Variants in BPHL observed in about 807,000 individuals in gnomAD.
The protein encoded by BPHL is biphenyl hydrolase like, also known as serine hydrolase BPHL.
In BPHL, 27 loss-of-function variants were observed where a neutral mutation model predicts 31.2. The ratio of observed to expected loss-of-function variants is 0.87; its 90% confidence interval spans 0.64 to 1.19. The LOEUF is 1.19. Among genes scored for constraint, BPHL ranks in the 50% most tolerant of loss-of-function variants. The pLI, the probability that BPHL is intolerant of heterozygous loss-of-function variation, is 0.00. For synonymous variants in BPHL, 150 were observed against 146.8 expected (o/e 1.02, Z -0.16); for missense variants, 356 against 375.7 (o/e 0.95, Z 0.43).
At chr6:3,121,275 A>T (rs1000365601) in intron 1 of BPHL, among the ~76,000 whole-genome samples, 3 of 146,902 alleles carry the variant, frequency 2.0e-5, no homozygotes, top group African/African-American at 7.5e-5. Flanking sequence ...AACATACAAT[A>T]TGATAATAGC....
At position 3,127,339 on chromosome 6, in the gene BPHL, G is replaced by A. The variant is rs1761745815; in HGVS notation, c.309G>A (p.Arg103=). The A allele has an allele frequency of 6.2e-7, 1 of 1,609,364 alleles. No homozygotes were observed. Among genetic ancestry groups the A allele is most frequent in the Non-Finnish European group, 8.5e-7 (1 of 1,177,224 alleles). ...ATCCTCGAGGCTATGGACATTCCAGGCCCCCAGATCGCGATTTCCCAGCAG... is the reference window on the plus strand; with the variant it reads ...ATCCTCGAGGCTATGGACATTCCAGACCCCCAGATCGCGATTTCCCAGCAG... ...AWDPRGYGHS[R]PPDRDFPADF... is the part of the protein sequence containing the mutation. Residue 103 remains arginine (R), a synonymous_variant, in exon 3 of 7, where the codon AGG becomes AGA. Coordinates refer to ENST00000380379, the MANE Select transcript of BPHL (RefSeq NM_004332.4).
chr6:3,137,456 G>T lies in BPHL; in HGVS notation c.627G>T (p.Trp209Cys). Reference protein sequence around the residue: ...YDYFARTCEKWVDGIRQFKHL... With the variant: ...YDYFARTCEKCVDGIRQFKHL... Reference sequence around the variant, plus strand: ...ACTTTGCCAGAACCTGTGAAAAGTGGGTGGATGGCATAAGACAGTTTAAAC... The same window carrying T: ...ACTTTGCCAGAACCTGTGAAAAGTGTGTGGATGGCATAAGACAGTTTAAAC... The change falls in exon 5 of 7, where the codon TGG becomes TGT. Residue 209 changes from tryptophan to cysteine, a missense_variant. Transcript: ENST00000380379. 1 of 1,613,458 alleles carries T rather than the reference G, an allele frequency of 6.2e-7. No homozygotes were observed. Among genetic ancestry groups the T allele is most frequent in the Non-Finnish European group, 8.5e-7 (1 of 1,179,956 alleles).
Position 3,152,662 on chromosome 6 carries a change from C to T in BPHL, c.*87C>T, listed in dbSNP as rs769565530. On this transcript the variant is annotated 3_prime_UTR_variant, in exon 7 of 7. Coordinates refer to ENST00000380379, the MANE Select transcript of BPHL (RefSeq NM_004332.4). ...AACATGATGCCTTTGAAACTCTCCG[C>T]CTTTGAAACTTTCTACCCCTCCCTT... 5 of 1,206,506 alleles carry T rather than the reference C, an allele frequency of 4.1e-6. No homozygotes were observed. Among genetic ancestry groups the T allele is most frequent in the Non-Finnish European group, 5.9e-6 (5 of 842,230 alleles). The allele number at this position is 1,206,506 out of a possible 1,614,324, so 74.7% of individuals were successfully genotyped here.
intron 2 of BPHL, among the ~76,000 whole-genome samples, chr6:3,126,390 C>A (rs1385721796): frequency 1.3e-5 from 2 of 152,174 alleles, no homozygotes; most frequent in Non-Finnish European, 2.9e-5. Context: ...AACCCAGAAG[C>A]ATATCTGTGA....
At chr6:3,134,850 C>T (rs1761969078) in intron 4 of BPHL, among the ~76,000 whole-genome samples, 2 of 152,124 alleles carry the variant, frequency 1.3e-5, no homozygotes. Context: ...GATCCGCCTG[C>T]CTCGGCCTCC....
chr6:3,130,387 A>G (rs1761840624), intron 4 of BPHL, among the ~76,000 whole-genome samples: 1 of 152,190 alleles, frequency 6.6e-6, no homozygotes, highest in African/African-American at 2.4e-5. Flanking sequence ...AAGCTGCCCC[A>G]TTGAGATGAC....
upstream of BPHL, chr6:3,118,541 C>G (rs1211695406): frequency 7.5e-6 from 3 of 399,602 alleles, no homozygotes; most frequent in Non-Finnish European, 1.3e-5. Context: ...TCCAGGACTG[C>G]GAAACCACGA....
intron 5 of BPHL, chr6:3,138,645 CT>C (rs1426637467): frequency 1.3e-5 from 2 of 152,228 alleles, no homozygotes. Context: ...AAATGTATGC[CT>C]TATAATGTTT....
rs757799516 is a variant in BPHL at position 3,137,492 on chromosome 6, TG to T, written c.664+1del. 1 of 1,613,660 alleles carries T rather than the reference TG, an allele frequency of 6.2e-7. No individual in the cohort carries two copies. Among genetic ancestry groups the T allele is most frequent in the Non-Finnish European group, 8.5e-7 (1 of 1,179,890 alleles). On this transcript the variant is annotated frameshift_variant and splice_region_variant, in exon 5 of 7. Coordinates refer to ENST00000380379, the MANE Select transcript of BPHL (RefSeq NM_004332.4). LOFTEE classifies it high-confidence loss of function. ...GIRQFKHLPDGNICRHLLPRV... is the reference protein window; with the variant it reads ...GIRQFKHLPDXNICRHLLPRV... ...TAAGACAGTTTAAACATCTCCCAGATGGTAGGTTACTGGGCTTGAAGGGCTC... is the reference window on the plus strand; with the variant it reads ...TAAGACAGTTTAAACATCTCCCAGATGTAGGTTACTGGGCTTGAAGGGCTC...
At chr6:3,126,995 T>C (rs1761733374) in intron 2 of BPHL, 2 of 255,610 alleles carry the variant, frequency 7.8e-6, no homozygotes, top group East Asian at 1.4e-4. Flanking sequence ...GGTCTCGAAC[T>C]CCTGAGCTCA....
chr6:3,146,409 T>TC (rs1271804298), intron 6 of BPHL, among the ~76,000 whole-genome samples: 20 of 131,852 alleles, frequency 1.5e-4, no homozygotes, highest in African/African-American at 5.0e-4. Flanking sequence ...GAGTGCTGGT[T>TC]TGGGTTGAGT....
chr6:3,119,367 G>T, intron 1 of BPHL: 1 of 1,576,808 alleles, frequency 6.3e-7, no homozygotes, highest in Non-Finnish European at 8.6e-7. Context: ...TGCTGATCTC[G>T]TACCTTAATG....
At chr6:3,141,469 G>A (rs1762174011) in intron 6 of BPHL, among the ~76,000 whole-genome samples, 1 of 152,176 alleles carries the variant, frequency 6.6e-6, no homozygotes, top group African/African-American at 2.4e-5. Context: ...CCAGGTTCAA[G>A]CGATTCTCCC....
chr6:3,120,041 CT>C (rs201995964), intron 1 of BPHL, among the ~76,000 whole-genome samples: 24 of 147,158 alleles, frequency 1.6e-4, no homozygotes, highest in African/African-American at 1.7e-4. Flanking sequence ...CAATATAGTT[CT>C]TTTTTTTTTT....
At position 3,144,383 on chromosome 6, in the gene BPHL, T is replaced by TG. The variant is rs1581482971; in HGVS notation, c.788+3874_788+3875insG. Reference sequence around the variant, plus strand: ...CACTTGGCCTTCTTCTTTTTTTTTTTTTTTTTTGTTTTTTTTTTTAAGAGA... The same window carrying TG: ...CACTTGGCCTTCTTCTTTTTTTTTTTGTTTTTTTGTTTTTTTTTTTAAGAGA... On this transcript the variant is annotated intron_variant, in intron 6 of 6. Coordinates refer to ENST00000380379, the MANE Select transcript of BPHL (RefSeq NM_004332.4). Among the ~76,000 whole-genome samples the TG allele has an allele frequency of 2.7e-3, 74 of 27,712 alleles. 2 individuals carry two copies. Among genetic ancestry groups the TG allele is most frequent in the Non-Finnish European group, 5.3e-3 (43 of 8,104 alleles). The allele number at this position is 27,712 out of a possible 152,430, so 18.2% of individuals were successfully genotyped here.
chr6:3,122,556 C>G (rs1157372068), intron 1 of BPHL, among the ~76,000 whole-genome samples: 1 of 152,158 alleles, frequency 6.6e-6, no homozygotes, highest in Non-Finnish European at 1.5e-5. Flanking sequence ...AATCAGAACA[C>G]CTGTACGGCA....
At position 3,130,832 on chromosome 6, in the gene BPHL, GTCTT is replaced by G. The variant is rs1415730181; in HGVS notation, c.532+1638_532+1641del. Among the ~76,000 whole-genome samples the G allele has an allele frequency of 5.9e-5, 9 of 152,258 alleles. No homozygotes were observed. In the East Asian group the frequency reaches 1.7e-3, roughly 29 times the overall value. Reference sequence around the variant, plus strand: ...TGTTGTAGAATTGTAGTTCTTCACAGTCTTTCTGTTTTTTAAATGAATATGAAGC... The same window carrying G: ...TGTTGTAGAATTGTAGTTCTTCACAGTCTGTTTTTTAAATGAATATGAAGC... On this transcript the variant is annotated intron_variant, in intron 4 of 6. Coordinates refer to ENST00000380379, the MANE Select transcript of BPHL (RefSeq NM_004332.4).
rs1762560917 is a variant in BPHL, at chr6:3,152,753, A to G, written c.*178A>G. The G allele has an allele frequency of 1.8e-6, 1 of 547,976 alleles. No individual in the cohort carries two copies. The highest frequency in any genetic ancestry group is 2.5e-5 in the South Asian group (1 of 40,798). The allele number at this position is 547,976 out of a possible 1,614,324, so 33.9% of individuals were successfully genotyped here. On this transcript the variant is annotated 3_prime_UTR_variant, in exon 7 of 7. Coordinates refer to ENST00000380379, the MANE Select transcript of BPHL (RefSeq NM_004332.4). ...AACAGCCTCTAGCTTCAGGCTGGGCACGGTGGCTCACAGCTATAATCTCAG... is the reference window on the plus strand; with the variant it reads ...AACAGCCTCTAGCTTCAGGCTGGGCGCGGTGGCTCACAGCTATAATCTCAG...
intron 6 of BPHL, among the ~76,000 whole-genome samples, chr6:3,151,673 G>A (rs1191774375): frequency 6.6e-6 from 1 of 152,166 alleles, no homozygotes; most frequent in African/African-American, 2.4e-5. Context: ...TTGAACTTAG[G>A]CTTTCATCCT....
Sources: gnomAD v4.1 joint callset for allele counts (sites outside exome capture counted in the v4.1 genomes callset) on GRCh38, gnomAD v4.1.1 for gene constraint, MANE v1.5 for transcripts, NCBI Gene and HGNC (gene_info 2026-07-23, HGNC 2026-07-21) for gene names.